DYTN: variants seen among roughly 807,000 people sequenced by gnomAD.
DYTN encodes dystrotelin.
Under a neutral mutation model 69.6 loss-of-function variants are expected in DYTN, and 75 were observed. The ratio of observed to expected loss-of-function variants is 1.08; its 90% CI spans 0.89 to 1.31. The LOEUF (loss-of-function observed/expected upper bound fraction) is 1.31, where lower values mean the gene tolerates loss of function less well. DYTN is among the 50% of genes most tolerant of loss of function. The pLI, the probability that DYTN is intolerant of heterozygous loss-of-function variation, is 0.00. For synonymous variants in DYTN, 252 were observed against 249.1 expected, an observed-to-expected ratio of 1.01 and a Z score of -0.11; for missense variants, 726 against 688.4, an observed-to-expected ratio of 1.05 and a Z score of -0.61.
At chr2:206,710,696 A>AT in intron 1 of DYTN, 98 bp from the exon 2 acceptor site, 1 of 949,432 alleles carries the variant, frequency 1.1e-6, no homozygotes, top group Non-Finnish European at 1.5e-6. Context: ...AGCTTACTTT[A>AT]TTTTGCAGGT....
At chr2:206,682,687 T>C (rs765516062) in intron 9 of DYTN, among the ~76,000 whole-genome samples, 2 of 152,080 alleles carry the variant, frequency 1.3e-5, no homozygotes, top group Non-Finnish European at 2.9e-5. Flanking sequence ...GACCCTTTTT[T>C]CCAAGTTCCA....
chr2:206,705,176 A>T (rs576661687), intron 4 of DYTN: 1 of 506,244 alleles, frequency 2.0e-6, no homozygotes, highest in East Asian at 3.3e-5. Context: ...GGCTCACTGC[A>T]ACCTCCACCT....
At position 206,693,194 on chromosome 2, in the gene DYTN, G is replaced by A. The variant is rs1471222487; in HGVS notation, c.961C>T (p.Pro321Ser). Residue 321 changes from proline to serine, a missense_variant, in exon 9 of 12, where the codon CCT becomes TCT. By Grantham distance (74) the Pro-to-Ser change is moderately conservative. Coordinates refer to ENST00000452335, the MANE Select transcript of DYTN (RefSeq NM_001093730.1). The stretch of plus-strand genomic sequence containing the variant: ...ACTCACCTGGCCTGCGCATGGTGAG[G>A]CACACCCTTTGGATTCACCTGGTCC... The part of the protein sequence containing the change: ...LLDQVNPKGV[P>S]HHAQARLLKK... 1 of 1,611,994 alleles carries A rather than the reference G, an allele frequency of 6.2e-7. No individual in the cohort carries two copies.
intron 2 of DYTN, 112 bp from the exon 3 acceptor site, chr2:206,707,615 T>A (rs1480545999): frequency 6.5e-6 from 7 of 1,084,132 alleles, no homozygotes; most frequent in Non-Finnish European, 9.3e-6. Flanking sequence ...TGGTCGCTAT[T>A]TTCTTTTAAG....
intron 11 of DYTN, among the ~76,000 whole-genome samples, chr2:206,654,261 T>C (rs1278793995): frequency 3.3e-5 from 5 of 152,138 alleles, no homozygotes. Flanking sequence ...AGCCAACTAA[T>C]TCATGGATTT....
chr2:206,715,751 G>A (rs1574606716), intron 1 of DYTN, among the ~76,000 whole-genome samples: 1 of 152,326 alleles, frequency 6.6e-6, no homozygotes, highest in East Asian at 1.9e-4. Context: ...AACCATAGGA[G>A]TTCAAGGGGG....
At chr2:206,713,760 C>T (rs1431490509) in intron 1 of DYTN, among the ~76,000 whole-genome samples, 5 of 152,188 alleles carry the variant, frequency 3.3e-5, no homozygotes, top group Admixed American at 1.3e-4. Context: ...CACCCAGAAA[C>T]GCTCATTCTG....
chr2:206,673,892 A>G (rs917352858), intron 9 of DYTN, among the ~76,000 whole-genome samples: 2 of 152,200 alleles, frequency 1.3e-5, no homozygotes, highest in African/African-American at 4.8e-5. Context: ...CCATATGTAA[A>G]TGAGAATAGG....
At chr2:206,694,129 G>A (rs1233130264) in intron 8 of DYTN, among the ~76,000 whole-genome samples, 2 of 152,172 alleles carry the variant, frequency 1.3e-5, no homozygotes, top group Non-Finnish European at 2.9e-5. Flanking sequence ...ATTTAGTAAT[G>A]AAAAGAAAAT....
intron 11 of DYTN, among the ~76,000 whole-genome samples, chr2:206,661,486 T>C (rs74974375): frequency 0.13 from 20,387 of 152,112 alleles, 1,428 homozygotes; most frequent in East Asian, 0.17. Flanking sequence ...AGTCCACTTA[T>C]ATGTGAATTT....
rs934062077 is a variant in DYTN, at chr2:206,710,494, T to C, written c.94+30A>G. 1.9e-6 allele frequency: 3 copies of C among 1,587,956 alleles called. No individual in the cohort carries two copies. The African/African-American group carries it at 4.0e-5, about 21-fold the overall frequency. ...ACATCGCACATCAAGCTCAGATTAT[T>C]TCAAATATTTCAGGAGAGCCTATAC... is the stretch of plus-strand genomic sequence containing the variant. On this transcript the variant is annotated intron_variant, in intron 2 of 11. Transcript: ENST00000452335.
chr2:206,690,011 A>G (rs968034059), intron 9 of DYTN, among the ~76,000 whole-genome samples: 1 of 152,234 alleles, frequency 6.6e-6, no homozygotes, highest in African/African-American at 2.4e-5. Flanking sequence ...AGAGAGGGGC[A>G]CAGCAATAAA....
chr2:206,709,323 C>T (rs1700056569), intron 2 of DYTN, among the ~76,000 whole-genome samples: 1 of 152,044 alleles, frequency 6.6e-6, no homozygotes, highest in Non-Finnish European at 1.5e-5. Context: ...GTGGCTCACG[C>T]CTGTGGTCCC....
chr2:206,656,764 C>CTT (rs34895289), intron 11 of DYTN, among the ~76,000 whole-genome samples: 45 of 138,622 alleles, frequency 3.2e-4, no homozygotes, highest in Non-Finnish European at 6.5e-4. Flanking sequence ...TCTAAATAGT[C>CTT]TTTTTTTTTT....
intron 11 of DYTN, among the ~76,000 whole-genome samples, chr2:206,653,839 C>T (rs1364136865): frequency 6.6e-6 from 1 of 152,188 alleles, no homozygotes; most frequent in Non-Finnish European, 1.5e-5. Context: ...GTTTTCCCAG[C>T]TTTCCCCATT....
At chr2:206,693,729 C>T (rs1699889465) in intron 8 of DYTN, among the ~76,000 whole-genome samples, 2 of 152,208 alleles carry the variant, frequency 1.3e-5, no homozygotes, top group Non-Finnish European at 2.9e-5. Context: ...AGTGGACTCA[C>T]AGGCTCACCC....
At chr2:206,689,015 G>T (rs142041615) in intron 9 of DYTN, among the ~76,000 whole-genome samples, 1 of 152,214 alleles carries the variant, frequency 6.6e-6, no homozygotes, top group East Asian at 1.9e-4. Context: ...GGGTTTCTTA[G>T]TAATTCACAA....
chr2:206,693,133 G>A, intron 9 of DYTN, 42 bp downstream of exon 9: 2 of 1,563,488 alleles, frequency 1.3e-6, no homozygotes, highest in Non-Finnish European at 1.7e-6. Flanking sequence ...AGGGCCCTTG[G>A]TGGCTGCTCT....
At chr2:206,654,861 C>A (rs1364865785) in intron 11 of DYTN, among the ~76,000 whole-genome samples, 1 of 152,150 alleles carries the variant, frequency 6.6e-6, no homozygotes, top group African/African-American at 2.4e-5. Flanking sequence ...CAGGAATAAA[C>A]CTCCTGCTCC....
Sources: allele counts gnomAD v4.1 joint callset (sites outside exome capture counted in the v4.1 genomes callset), GRCh38; gene constraint gnomAD v4.1.1; transcripts MANE v1.5; gene names NCBI Gene and HGNC (gene_info 2026-07-23, HGNC 2026-07-21).